The following BMPR2 variants were observed in gnomAD, a reference collection of about 807,000 sequenced individuals.
BMPR2 encodes the protein bone morphogenetic protein receptor type-2.
In BMPR2, 29 loss-of-function variants were observed where a neutral mutation model predicts 100.8. That is an observed-to-expected ratio of 0.29 (90% confidence interval 0.21 to 0.39). The LOEUF (loss-of-function observed/expected upper bound fraction) is 0.39, where lower values mean the gene tolerates loss of function less well. BMPR2 is among the 10% of genes least tolerant of loss of function. The pLI, the probability that BMPR2 is intolerant of heterozygous loss-of-function variation, is 1.00. For missense variants in BMPR2, 1,011 were observed against 1,274.5 expected, an observed-to-expected ratio of 0.79 and a Z score of 3.15; for synonymous variants, 382 against 442.3, an observed-to-expected ratio of 0.86 and a Z score of 1.71.
At chr2:202,377,683 C>A in intron 1 of BMPR2, 133 bp downstream of exon 1, 1 of 1,039,488 alleles carries the variant, frequency 9.6e-7, no homozygotes, top group South Asian at 1.4e-5. Flanking sequence ...AGCTGCGACC[C>A]GGTGCCTGCG....
In BMPR2 at chr2:202,566,059, A is replaced by G. The variant is rs1162905187; in HGVS notation, c.*6113A>G. On this transcript the variant is annotated 3_prime_UTR_variant, in exon 13 of 13. Coordinates refer to ENST00000374580, the MANE Select transcript of BMPR2 (RefSeq NM_001204.7). ...AAACCCATTTTAAAATCTGGGTAAG[A>G]GAGAAGGAATCTTCAGAACAAAATC... 1.3e-5 allele frequency: 2 copies of G among 152,186 alleles called. No homozygotes were observed. The highest frequency in any genetic ancestry group is 2.4e-5 in the African/African-American group (1 of 41,462). 9.4% of individuals were successfully genotyped at this position (152,186 alleles called of 1,614,324 possible). A position where few individuals can be genotyped will look rare whatever the true frequency, so the allele number is the denominator to read the frequency against.
At chr2:202,400,035 CAGG>C (rs1404665298) in intron 1 of BMPR2, among the ~76,000 whole-genome samples, 1 of 152,172 alleles carries the variant, frequency 6.6e-6, no homozygotes, top group Admixed American at 6.5e-5. Flanking sequence ...CACTTGAGAC[CAGG>C]AGGAGTTCAA....
At chr2:202,396,890 C>T (rs1293169333) in intron 1 of BMPR2, among the ~76,000 whole-genome samples, 11 of 151,872 alleles carry the variant, frequency 7.2e-5, no homozygotes, top group Admixed American at 4.6e-4. Context: ...CTCTGCCTCC[C>T]GGGTTCAAGC....
chr2:202,383,887 A>G (rs1466501934), intron 1 of BMPR2, among the ~76,000 whole-genome samples: 1 of 151,112 alleles, frequency 6.6e-6, no homozygotes, highest in Admixed American at 6.6e-5. Context: ...AAGCACTAAT[A>G]TTGGCTGGGC....
At chr2:202,500,760 CAGT>C (rs1355219456) in intron 3 of BMPR2, among the ~76,000 whole-genome samples, 2 of 152,178 alleles carry the variant, frequency 1.3e-5, no homozygotes, top group African/African-American at 4.8e-5. Context: ...CCACTATATC[CAGT>C]TGTACCCAAC....
intron 3 of BMPR2, among the ~76,000 whole-genome samples, chr2:202,493,622 A>T (rs1431294817): frequency 6.6e-6 from 1 of 152,162 alleles, no homozygotes; most frequent in Admixed American, 6.5e-5. Context: ...CAAATTGCTG[A>T]AATTGTCTCT....
At chr2:202,542,185 G>C in intron 9 of BMPR2, 126 bp from the exon 10 acceptor site, 3 of 1,088,806 alleles carry the variant, frequency 2.8e-6, no homozygotes, top group Non-Finnish European at 4.1e-6. Flanking sequence ...GCCTGAAGGG[G>C]ATGAAAAAAT....
rs541054377 is a variant in BMPR2 at position 202,404,439 on chromosome 2, G to A, written c.76+26889G>A. 9.6e-4 allele frequency among the ~76,000 whole-genome samples: 146 copies of A among 152,068 alleles called. 1 individual carries two copies. In the Middle Eastern group the frequency reaches 0.014, roughly 14 times the overall value. On this transcript the variant is annotated intron_variant, in intron 1 of 12. Coordinates refer to ENST00000374580, the MANE Select transcript of BMPR2 (RefSeq NM_001204.7). ...TCGAGCTCCTGGCCTCAGGTGATTC[G>A]CCCGCCTTGGCCTCCCAAAATGCTG...
chr2:202,382,295 T>C (rs922557282), intron 1 of BMPR2, among the ~76,000 whole-genome samples: 1 of 152,132 alleles, frequency 6.6e-6, no homozygotes, highest in Non-Finnish European at 1.5e-5. Context: ...CCTGATCTTG[T>C]GATCCACCTG....
intron 3 of BMPR2, among the ~76,000 whole-genome samples, chr2:202,470,207 T>C (rs1215346898): frequency 6.6e-6 from 1 of 151,746 alleles, no homozygotes; most frequent in African/African-American, 2.4e-5. Context: ...CTGGGTGTGC[T>C]GGTGCATGCC....
rs1360124258 is a variant in BMPR2 at position 202,437,014 on chromosome 2, A to AC, written c.77-27795_77-27794insC. 2.0e-5 allele frequency among the ~76,000 whole-genome samples: 3 copies of AC among 150,166 alleles called. 1 individual carries two copies. The highest frequency in any genetic ancestry group is 7.6e-5 in the African/African-American group (3 of 39,622). On this transcript the variant is annotated intron_variant, in intron 1 of 12. Coordinates refer to ENST00000374580, the MANE Select transcript of BMPR2 (RefSeq NM_001204.7). ...TTTTGGGGCTTCCTCAAAAACTCTAAATTTTTTTTTTGAGATGGAGTCTCG... is the reference window on the plus strand; with the variant it reads ...TTTTGGGGCTTCCTCAAAAACTCTAACATTTTTTTTTTGAGATGGAGTCTCG...
chr2:202,566,666 G>A lies in BMPR2; in HGVS notation c.*6720G>A, dbSNP rs949739735. On this transcript the variant is annotated 3_prime_UTR_variant, in exon 13 of 13. Transcript: ENST00000374580. ...CCTGTCAGATAGGATTTTCTCAAGAGACAATTTAACGTTATAAAGCCTTCT... is the reference window on the plus strand; with the variant it reads ...CCTGTCAGATAGGATTTTCTCAAGAAACAATTTAACGTTATAAAGCCTTCT... The A allele has an allele frequency of 2.0e-5, 3 of 152,120 alleles. No individual in the cohort carries two copies. The highest frequency in any genetic ancestry group is 4.4e-5 in the Non-Finnish European group (3 of 67,996). 9.4% of individuals were successfully genotyped at this position (152,120 alleles called of 1,614,324 possible). A position where few individuals can be genotyped will look rare whatever the true frequency, so the allele number is the denominator to read the frequency against.
At chr2:202,537,085 A>T (rs913759636) in intron 9 of BMPR2, among the ~76,000 whole-genome samples, 1 of 151,678 alleles carries the variant, frequency 6.6e-6, no homozygotes, top group African/African-American at 2.4e-5. Flanking sequence ...TTGTCGAGAC[A>T]GTGTTTTGCT....
At chr2:202,504,580 A>G (rs962007243) in intron 3 of BMPR2, among the ~76,000 whole-genome samples, 1 of 152,158 alleles carries the variant, frequency 6.6e-6, no homozygotes, top group African/African-American at 2.4e-5. Flanking sequence ...TTCATTCCTG[A>G]AGTCAGTGAG....
At chr2:202,416,528 C>T (rs1403786027) in intron 1 of BMPR2, among the ~76,000 whole-genome samples, 6 of 150,758 alleles carry the variant, frequency 4.0e-5, no homozygotes, top group South Asian at 4.2e-4. Flanking sequence ...TGGGTTCAAG[C>T]GATTCTCCTG....
intron 1 of BMPR2, among the ~76,000 whole-genome samples, chr2:202,399,023 G>A (rs1162874693): frequency 1.3e-5 from 2 of 152,130 alleles, no homozygotes; most frequent in African/African-American, 4.8e-5. Context: ...AGCTACTCGG[G>A]AGGCTGAGGC....
chr2:202,537,122 C>T (rs1051067333), intron 9 of BMPR2, among the ~76,000 whole-genome samples: 3 of 152,068 alleles, frequency 2.0e-5, no homozygotes, highest in African/African-American at 7.2e-5. Flanking sequence ...CCTCGAACTC[C>T]TGGGCTCAAG....
intron 3 of BMPR2, among the ~76,000 whole-genome samples, chr2:202,494,071 C>T (rs1692967538): frequency 6.6e-6 from 1 of 152,174 alleles, no homozygotes; most frequent in African/African-American, 2.4e-5. Context: ...CCATTCCAAA[C>T]ATATTAATTA....
chr2:202,514,793 C>A, intron 4 of BMPR2, 95 bp from the exon 5 acceptor site: 2 of 993,894 alleles, frequency 2.0e-6, no homozygotes, highest in Non-Finnish European at 3.1e-6. Context: ...AATCTTTCTG[C>A]AGCTCTTCTT....
Sources: gnomAD v4.1 joint callset for allele counts (sites outside exome capture counted in the v4.1 genomes callset) on GRCh38, gnomAD v4.1.1 for gene constraint, MANE v1.5 for transcripts, NCBI Gene and HGNC (gene_info 2026-07-23, HGNC 2026-07-21) for gene names.